TAF1: variants seen among roughly 807,000 people sequenced by gnomAD.
TAF1 encodes TATA-box binding protein associated factor 1, also known as transcription initiation factor TFIID subunit 1.
Under a neutral mutation model 138.5 loss-of-function variants are expected in TAF1, and 2 were observed. That is an observed-to-expected ratio of 0.01 (90% CI 0.01 to 0.05). TAF1 has a LOEUF of 0.05. Among genes scored for constraint, TAF1 ranks in the 10% least tolerant of loss-of-function variants. TAF1 has a pLI of 1.00. For synonymous variants in TAF1, 437 were observed against 503.2 expected (o/e 0.87, Z 1.76); for missense variants, 709 against 1,478.0 (o/e 0.48, Z 8.53).
rs188650689 is a variant in TAF1 at position 71,401,320 on chromosome X, G to C, written c.3787-208G>C. 1.1e-3 allele frequency among the ~76,000 whole-genome samples: 120 copies of C among 111,306 alleles called. 1 individual carries two copies. The highest frequency in any genetic ancestry group is 3.8e-3 in the African/African-American group (117 of 30,675). ...TTGAACTGCATGGTTCCACTTATGCGTGGATCGTGGTACGTGGAGCCTGTG... is the reference window on the plus strand; with the variant it reads ...TTGAACTGCATGGTTCCACTTATGCCTGGATCGTGGTACGTGGAGCCTGTG... On this transcript the variant is annotated intron_variant, in intron 24 of 37. Coordinates refer to ENST00000423759, the MANE Select transcript of TAF1 (RefSeq NM_004606.5).
chrX:71,479,911 G>C (rs983031473), intron 13 of TAF1, among the ~76,000 whole-genome samples: 2 of 111,471 alleles, frequency 1.8e-5, no homozygotes, highest in Non-Finnish European at 3.8e-5. Context: ...GGGAGAAATG[G>C]GATAACCAGA....
chrX:71,423,899 T>C (rs2036474216), intron 30 of TAF1, 75 bp from the exon 31 acceptor site: 1 of 816,555 alleles, frequency 1.2e-6, no homozygotes, highest in South Asian at 2.5e-5. Flanking sequence ...GGAATATTTG[T>C]AACCCAACAA....
intron 4 of TAF1, among the ~76,000 whole-genome samples, chrX:71,376,679 A>C (rs984225118): frequency 9.1e-5 from 10 of 109,560 alleles, no homozygotes; most frequent in Non-Finnish European, 1.7e-4. Flanking sequence ...AAAAAAAAAA[A>C]CAACAAAAAA....
intron 13 of TAF1, among the ~76,000 whole-genome samples, chrX:71,478,914 C>T (rs977940587): frequency 2.7e-5 from 3 of 112,081 alleles, no homozygotes; most frequent in African/African-American, 9.7e-5. Context: ...GGATTACAGG[C>T]GTGAGCCACT....
chrX:71,528,859 G>A (rs762266504), intron 14 of TAF1: 1 of 251,746 alleles, frequency 4.0e-6, no homozygotes, highest in Non-Finnish European at 7.5e-6. Flanking sequence ...GGGGCTGGGG[G>A]CGGCCAGCAT....
chrX:71,496,475 CTCTT>C (rs1293567878), intron 13 of TAF1, among the ~76,000 whole-genome samples: 1 of 111,756 alleles, frequency 8.9e-6, no homozygotes, highest in Admixed American at 9.5e-5. Context: ...CTACTTCTCT[CTCTT>C]TCTCTCTTTC....
chrX:71,519,139 G>A (rs1313834836), intron 13 of TAF1, among the ~76,000 whole-genome samples: 1 of 108,436 alleles, frequency 9.2e-6, no homozygotes, highest in African/African-American at 3.3e-5. Context: ...TGGCTAGCAC[G>A]GTGAAATCCC....
At chrX:71,443,675 C>T (rs899718804) in intron 32 of TAF1, among the ~76,000 whole-genome samples, 1 of 111,349 alleles carries the variant, frequency 9.0e-6, no homozygotes, top group Non-Finnish European at 1.9e-5. Flanking sequence ...GCCTGAGTGC[C>T]CTGTCTTTGG....
At chrX:71,458,629 C>T (rs374774240) in intron 35 of TAF1, among the ~76,000 whole-genome samples, 13 of 112,066 alleles carry the variant, frequency 1.2e-4, no homozygotes, top group African/African-American at 4.2e-4. Flanking sequence ...GGGTGTGAAG[C>T]ATCAGAGTAG....
chrX:71,391,533 A>G, intron 18 of TAF1, among the ~76,000 whole-genome samples: 1 of 110,174 alleles, frequency 9.1e-6, no homozygotes, highest in African/African-American at 3.3e-5. Flanking sequence ...AAGAAAAACA[A>G]TTTTTTTTAA....
At chrX:71,406,006 A>G (rs1317605514) in intron 25 of TAF1, among the ~76,000 whole-genome samples, 1 of 111,207 alleles carries the variant, frequency 9.0e-6, no homozygotes, top group Non-Finnish European at 1.9e-5. Flanking sequence ...TCTTGTTTCC[A>G]TTCTGAACCT....
At chrX:71,367,377 C>G in intron 1 of TAF1, 122 bp from the exon 2 acceptor site, 1 of 823,706 alleles carries the variant, frequency 1.2e-6, no homozygotes, top group Non-Finnish European at 1.8e-6. Flanking sequence ...CTTGTTTTGG[C>G]ACACTGCACA....
chrX:71,515,779 C>T (rs2039812912), intron 13 of TAF1, among the ~76,000 whole-genome samples: 1 of 111,624 alleles, frequency 9.0e-6, no homozygotes, highest in Non-Finnish European at 1.9e-5. Flanking sequence ...TACTTTCTCC[C>T]TGTTACTTAG....
At chrX:71,388,928 C>T in intron 17 of TAF1, 60 bp downstream of exon 17, 1 of 1,107,039 alleles carries the variant, frequency 9.0e-7, no homozygotes, top group Non-Finnish European at 1.2e-6. Context: ...TTTTTTTCTT[C>T]CCCCCAGAGA....
chrX:71,457,764 C>T (rs1488193712), intron 34 of TAF1, among the ~76,000 whole-genome samples: 1 of 112,192 alleles, frequency 8.9e-6, no homozygotes. Flanking sequence ...ACTCCAAGGC[C>T]TATGATTTTT....
chrX:71,528,507 CTTGCTCTTGG>C (rs1268732505), intron 13 of TAF1: 2 of 313,389 alleles, frequency 6.4e-6, no homozygotes, highest in Middle Eastern at 5.0e-4. Flanking sequence ...GTCTTCATGG[CTTGCTCTTGG>C]GCTCTGCATT....
intron 18 of TAF1, among the ~76,000 whole-genome samples, chrX:71,389,958 G>A (rs904069902): frequency 9.0e-5 from 10 of 110,529 alleles, no homozygotes; most frequent in Admixed American, 6.8e-4. Context: ...TTCACCTACC[G>A]GGGTTCCTGC....
chrX:71,379,752 G>A (rs1236036903), intron 8 of TAF1, among the ~76,000 whole-genome samples: 3 of 108,918 alleles, frequency 2.8e-5, no homozygotes, highest in Non-Finnish European at 3.8e-5. Context: ...ACAGGCATGC[G>A]CCACCATGCC....
chrX:71,368,409 T>C, intron 3 of TAF1, among the ~76,000 whole-genome samples: 1 of 111,889 alleles, frequency 8.9e-6, no homozygotes, highest in South Asian at 3.7e-4. Flanking sequence ...CATGAATTCT[T>C]AGTTAATGAC....
Sources: gnomAD v4.1 joint callset for allele counts (sites outside exome capture counted in the v4.1 genomes callset) on GRCh38, gnomAD v4.1.1 for gene constraint, MANE v1.5 for transcripts, NCBI Gene and HGNC (gene_info 2026-07-23, HGNC 2026-07-21) for gene names.